The following AHCTF1 variants were observed in gnomAD, a reference collection of about 807,000 sequenced individuals.
AHCTF1 encodes AT-hook containing transcription factor 1, also known as protein ELYS.
In AHCTF1, 24 loss-of-function variants were observed where a neutral mutation model predicts 248.4. That is an observed-to-expected ratio of 0.10 (90% confidence interval 0.07 to 0.14). The LOEUF (loss-of-function observed/expected upper bound fraction) is 0.14. AHCTF1 is among the 10% of genes least tolerant of loss of function. The pLI, the probability that AHCTF1 is intolerant of heterozygous loss-of-function variation, is 1.00. For missense variants in AHCTF1, 2,206 were observed against 2,636.2 expected (o/e 0.84, Z 3.57); for synonymous variants, 786 against 929.8 (o/e 0.85, Z 2.81).
chr1:246,844,071 G>T, intron 33 of AHCTF1, 143 bp from the exon 34 acceptor site: 1 of 520,842 alleles, frequency 1.9e-6, no homozygotes. Flanking sequence ...TGCAACCTAA[G>T]TATCCATGTT....
At chr1:246,885,707 T>C (rs1359826431) in intron 20 of AHCTF1, 27 bp from the exon 21 acceptor site, 1 of 1,574,934 alleles carries the variant, frequency 6.3e-7, no homozygotes, top group African/African-American at 1.4e-5. Flanking sequence ...AAATGTTAAA[T>C]ATAAATATAA....
chr1:246,925,431 A>G (rs1464199377), intron 1 of AHCTF1, among the ~76,000 whole-genome samples: 2 of 152,204 alleles, frequency 1.3e-5, no homozygotes, highest in African/African-American at 2.4e-5. Flanking sequence ...ATGATATAGA[A>G]GTACTAGCTC....
intron 30 of AHCTF1, among the ~76,000 whole-genome samples, 191 bp downstream of exon 30, chr1:246,857,500 C>T (rs868076458): frequency 2.0e-5 from 3 of 152,100 alleles, no homozygotes; most frequent in African/African-American, 4.8e-5. Context: ...TGTATATTTC[C>T]GAAACTTTAT....
chr1:246,871,390 C>T (rs1443532236), intron 24 of AHCTF1, among the ~76,000 whole-genome samples: 2 of 152,218 alleles, frequency 1.3e-5, no homozygotes, highest in African/African-American at 4.8e-5. Context: ...TGCCATGTTT[C>T]TTTCCACCTC....
rs1438140882 is a variant in AHCTF1, at chr1:246,862,031, C to T, written c.3663G>A (p.Arg1221=). ...TAGTTTCTTTAAGTCGTTGAGGAGA[C>T]CTTCCAGGTGATGGAGAGGGAGATG... ...PLASPSPSPG[R]SPQRLKETRI... is the part of the protein sequence containing the mutation. The change falls in exon 28 of 36, where the codon AGG becomes AGA. Residue 1221 remains arginine (R), a synonymous_variant. Transcript: ENST00000648844. 1 of 1,613,600 alleles carries T rather than the reference C, an allele frequency of 6.2e-7. No individual in the cohort carries two copies.
chr1:246,853,080 A>G lies in AHCTF1; in HGVS notation c.4563+11T>C, dbSNP rs1558214186. The G allele has an allele frequency of 1.9e-6, 3 of 1,597,666 alleles. No homozygotes were observed. Among genetic ancestry groups the G allele is most frequent in the East Asian group, 4.5e-5 (2 of 44,648 alleles). On this transcript the variant is annotated intron_variant, in intron 32 of 35. Coordinates refer to ENST00000648844, the MANE Select transcript of AHCTF1 (RefSeq NM_001323342.2). ...AGACTGATAAAGAAGTAAAAAATTA[A>G]TTTTTTTTACATGAATTTCTTGAGT...
At chr1:246,892,048 C>G (rs1410773954) in intron 14 of AHCTF1, 129 bp from the exon 15 acceptor site, 1 of 1,118,278 alleles carries the variant, frequency 8.9e-7, no homozygotes, top group Non-Finnish European at 1.2e-6. Flanking sequence ...TTTATAAAGA[C>G]AAGCTAGAAA....
intron 24 of AHCTF1, among the ~76,000 whole-genome samples, chr1:246,870,285 T>A (rs958757494): frequency 1.3e-5 from 2 of 152,026 alleles, no homozygotes; most frequent in African/African-American, 2.4e-5. Flanking sequence ...CTACAAAAAA[T>A]ACCCAGGCAC....
intron 34 of AHCTF1, 143 bp downstream of exon 34, chr1:246,843,652 G>A (rs1558203101): frequency 2.7e-6 from 2 of 742,168 alleles, no homozygotes; most frequent in Non-Finnish European, 3.5e-6. Context: ...TGGTATGCAT[G>A]ACTGTTATCT....
intron 24 of AHCTF1, among the ~76,000 whole-genome samples, chr1:246,869,111 T>TA (rs1553291930): frequency 1.3e-5 from 2 of 151,636 alleles, no homozygotes; most frequent in Admixed American, 1.3e-4. Flanking sequence ...CCCAAAGTGC[T>TA]GGATTACAGG....
intron 24 of AHCTF1, among the ~76,000 whole-genome samples, chr1:246,871,044 ACTTATCTGTCT>A (rs1197659207): frequency 1.3e-5 from 2 of 152,148 alleles, no homozygotes; most frequent in Admixed American, 6.6e-5. Context: ...AAACCTTTTG[ACTTATCTGTCT>A]CATAAAAGGC....
At chr1:246,902,236 T>C (rs1665055113) in intron 8 of AHCTF1, among the ~76,000 whole-genome samples, 1 of 152,098 alleles carries the variant, frequency 6.6e-6, no homozygotes, top group African/African-American at 2.4e-5. Flanking sequence ...AATACACGGG[T>C]AAACTTCATT....
chr1:246,930,799 T>C (rs1667295131), intron 1 of AHCTF1, among the ~76,000 whole-genome samples: 1 of 152,150 alleles, frequency 6.6e-6, no homozygotes, highest in African/African-American at 2.4e-5. Flanking sequence ...TTACGTTTTG[T>C]TCTATGAAGA....
intron 13 of AHCTF1, among the ~76,000 whole-genome samples, chr1:246,894,983 A>G (rs1664472205): frequency 6.6e-6 from 1 of 152,096 alleles, no homozygotes; most frequent in African/African-American, 2.4e-5. Context: ...GAGCGACGGC[A>G]AGCACAAACT....
chr1:246,888,053 A>C, intron 19 of AHCTF1, 124 bp downstream of exon 19: 1 of 994,474 alleles, frequency 1.0e-6, no homozygotes, highest in Non-Finnish European at 1.5e-6. Flanking sequence ...CTGGGTTAAC[A>C]CCTCTTCTTA....
chr1:246,911,972 C>T (rs930905346), intron 4 of AHCTF1, among the ~76,000 whole-genome samples: 5 of 149,600 alleles, frequency 3.3e-5, no homozygotes, highest in Admixed American at 1.3e-4. Context: ...CTTGCTCTGT[C>T]GCCCAGGCTG....
chr1:246,931,349 G>C (rs1667344937), intron 1 of AHCTF1: 1 of 1,541,890 alleles, frequency 6.5e-7, no homozygotes, highest in Non-Finnish European at 8.7e-7. Context: ...CCTCCGGTCC[G>C]AGATTATGTA....
intron 19 of AHCTF1, among the ~76,000 whole-genome samples, chr1:246,887,715 T>C (rs1445774804): frequency 6.6e-6 from 1 of 152,222 alleles, no homozygotes; most frequent in Non-Finnish European, 1.5e-5. Flanking sequence ...AGCTTATAAA[T>C]TATAAATGGA....
intron 1 of AHCTF1, among the ~76,000 whole-genome samples, chr1:246,921,140 C>A (rs1666520655): frequency 6.6e-6 from 1 of 151,758 alleles, no homozygotes; most frequent in African/African-American, 2.4e-5. Flanking sequence ...AAAATACACG[C>A]AAAATGACAT....
Sources: allele counts gnomAD v4.1 joint callset (sites outside exome capture counted in the v4.1 genomes callset), GRCh38; gene constraint gnomAD v4.1.1; transcripts MANE v1.5; gene names NCBI Gene and HGNC (gene_info 2026-07-23, HGNC 2026-07-21).